PHF14: variants seen among roughly 807,000 people sequenced by gnomAD.
The protein encoded by PHF14 is PHD finger protein 14.
A neutral mutation model predicts 117.9 loss-of-function variants in PHF14; 55 were observed. The observed-to-expected ratio is 0.47, with a 90% CI of 0.38 to 0.58. The LOEUF (loss-of-function observed/expected upper bound fraction) is 0.58, where lower values mean the gene tolerates loss of function less well. Among genes scored for constraint, PHF14 ranks in the 20% least tolerant of loss-of-function variants. PHF14 has a pLI of 0.00. For synonymous variants in PHF14, 409 were observed against 368.6 expected (o/e 1.11, Z -1.26); for missense variants, 978 against 1,122.2 (o/e 0.87, Z 1.84).
At position 11,146,908 on chromosome 7, in the gene PHF14, G is replaced by A. The variant is rs144556358; in HGVS notation, c.2773-22508G>A. Among the ~76,000 whole-genome samples, 18 of 152,238 alleles carry A rather than the reference G, an allele frequency of 1.2e-4. 1 individual carries two copies. In the East Asian group the frequency reaches 3.5e-3, roughly 29 times the overall value. On this transcript the variant is annotated intron_variant, in intron 17 of 17. Transcript: ENST00000634607. ...GATACCCAGGCTGGAGTCCAGTGGT[G>A]CGATCACAGCTCACTGCAGCCTCAA...
intron 13 of PHF14, among the ~76,000 whole-genome samples, chr7:11,044,379 C>G (rs1784599559): frequency 6.6e-6 from 1 of 151,890 alleles, no homozygotes; most frequent in African/African-American, 2.4e-5. Flanking sequence ...TTAGTGAGAG[C>G]ACTTCTAAAA....
intron 1 of PHF14, 141 bp from the exon 2 acceptor site, chr7:10,974,694 C>G: frequency 1.6e-6 from 1 of 617,546 alleles, no homozygotes; most frequent in Non-Finnish European, 2.9e-6. Flanking sequence ...GCACCCCAAC[C>G]TTCTCCTGAC....
chr7:10,990,814 C>A lies in PHF14; in HGVS notation c.1012C>A (p.Gln338Lys). 6.3e-7 allele frequency: 1 copy of A among 1,591,112 alleles called. No individual in the cohort carries two copies. The highest frequency in any genetic ancestry group is 8.6e-7 in the Non-Finnish European group (1 of 1,166,994). Residue 338 changes from glutamine to lysine, a missense_variant, in exon 4 of 18, where the codon CAG becomes AAG. Gln to Lys is a moderately conservative substitution (Grantham distance 53, BLOSUM62 1). Around this residue, in one of 7 missense-constraint regions of PHF14, gnomAD observed 86 missense variants for 137.8 expected, o/e 0.62. Transcript: ENST00000634607. ...TAGTGAGGACGCTGATGAAATAATT[C>A]AGTGTGACAATTGTGGCATTACAGT... ...DNSEDADEII[Q>K]CDNCGITVHE...
intron 16 of PHF14, among the ~76,000 whole-genome samples, chr7:11,087,734 C>T (rs989157948): frequency 3.3e-5 from 5 of 152,072 alleles, no homozygotes; most frequent in African/African-American, 1.2e-4. Flanking sequence ...CATGCTTCAT[C>T]TGTGTGTGTG....
chr7:11,036,966 C>G lies in PHF14; in HGVS notation c.1874-19C>G, dbSNP rs770518271. The stretch of plus-strand genomic sequence containing the variant: ...TTTTACTTCCTACTAAAGTAAAATT[C>G]GATATTTCATTTAAATAGAGAGAAA... On this transcript the variant is annotated intron_variant, in intron 9 of 17. Coordinates refer to ENST00000634607, the MANE Select transcript of PHF14 (RefSeq NM_001007157.2). 3 of 1,442,340 alleles carry G rather than the reference C, an allele frequency of 2.1e-6. 1 individual carries two copies. Among genetic ancestry groups the G allele is most frequent in the South Asian group, 2.6e-5 (2 of 76,390 alleles). 89.3% of individuals were successfully genotyped at this position (1,442,340 alleles called of 1,614,324 possible). A position where few individuals can be genotyped will look rare whatever the true frequency, so the allele number is the denominator to read the frequency against.
intron 17 of PHF14, among the ~76,000 whole-genome samples, chr7:11,124,988 G>A (rs1422607540): frequency 6.6e-6 from 1 of 152,104 alleles, no homozygotes; most frequent in Non-Finnish European, 1.5e-5. Context: ...GCTATGGTAT[G>A]GTGTGGGAAG....
At position 11,169,601 on chromosome 7, in the gene PHF14, A is replaced by C; in HGVS notation, c.*111A>C. 1 of 484,640 alleles carries C rather than the reference A, an allele frequency of 2.1e-6. No individual in the cohort carries two copies. Among genetic ancestry groups the C allele is most frequent in the Non-Finnish European group, 3.6e-6 (1 of 275,306 alleles). The allele number at this position is 484,640 out of a possible 1,614,324, so 30.0% of individuals were successfully genotyped here. A position where few individuals can be genotyped will look rare whatever the true frequency, so the allele number is the denominator to read the frequency against. On this transcript the variant is annotated 3_prime_UTR_variant, in exon 18 of 18. Coordinates refer to ENST00000634607, the MANE Select transcript of PHF14 (RefSeq NM_001007157.2). The stretch of plus-strand genomic sequence containing the variant: ...TCTAATTTGCAAAATGTTCTCAATA[A>C]AGTCATTCAAAATGAAATAGGAGCT...
chr7:11,077,336 GC>G (rs1785901892), intron 16 of PHF14, among the ~76,000 whole-genome samples: 1 of 151,512 alleles, frequency 6.6e-6, no homozygotes, highest in Non-Finnish European at 1.5e-5. Context: ...GCGCAGTGGG[GC>G]TCATGCCTGA....
chr7:11,153,046 A>G (rs1335506104), intron 17 of PHF14, among the ~76,000 whole-genome samples: 1 of 152,218 alleles, frequency 6.6e-6, no homozygotes, highest in Non-Finnish European at 1.5e-5. Flanking sequence ...CCCTAAATAC[A>G]AAGCTACTAG....
chr7:11,097,426 C>A (rs569946036), intron 16 of PHF14, among the ~76,000 whole-genome samples: 1 of 152,162 alleles, frequency 6.6e-6, no homozygotes, highest in South Asian at 2.1e-4. Context: ...ATCAGAGTCT[C>A]CTCAGTTTTC....
chr7:10,976,175 G>C (rs554550595), intron 2 of PHF14, among the ~76,000 whole-genome samples: 1 of 152,268 alleles, frequency 6.6e-6, no homozygotes, highest in East Asian at 1.9e-4. Flanking sequence ...ATCTTAAACA[G>C]AAACTGACTA....
At chr7:11,119,747 G>A (rs1372802689) in intron 17 of PHF14, among the ~76,000 whole-genome samples, 1 of 151,810 alleles carries the variant, frequency 6.6e-6, no homozygotes, top group Non-Finnish European at 1.5e-5. Context: ...GGTTTAAGAA[G>A]TGCTCTTTTG....
intron 16 of PHF14, chr7:11,062,893 A>G: frequency 1.0e-6 from 1 of 983,206 alleles, no homozygotes; most frequent in Non-Finnish European, 1.2e-6. Context: ...TTGTAAGGGA[A>G]TCCATTCTTA....
At chr7:11,118,025 C>T (rs983361929) in intron 17 of PHF14, among the ~76,000 whole-genome samples, 2 of 151,742 alleles carry the variant, frequency 1.3e-5, no homozygotes, top group Non-Finnish European at 2.9e-5. Context: ...AAATTCAGTA[C>T]TCTTCTAGCG....
intron 14 of PHF14, among the ~76,000 whole-genome samples, chr7:11,058,136 T>C (rs908408696): frequency 6.6e-6 from 1 of 152,190 alleles, no homozygotes; most frequent in African/African-American, 2.4e-5. Context: ...AGTTTCAGCC[T>C]CAAAATATAT....
At chr7:11,003,675 A>G (rs771096480) in intron 4 of PHF14, among the ~76,000 whole-genome samples, 2 of 152,194 alleles carry the variant, frequency 1.3e-5, no homozygotes, top group Non-Finnish European at 2.9e-5. Context: ...AAGAACAGCT[A>G]AAATTTACAT....
At position 10,990,894 on chromosome 7, in the gene PHF14, C is replaced by G. The variant is rs1475099086; in HGVS notation, c.1045+47C>G. The stretch of plus-strand genomic sequence containing the variant: ...TCTTTTTAGAAATGGCTGACTGTGG[C>G]TCTTTTACATTTGTACTAAGGTGGT... On this transcript the variant is annotated intron_variant, in intron 4 of 17. Coordinates refer to ENST00000634607, the MANE Select transcript of PHF14 (RefSeq NM_001007157.2). 5 of 1,416,878 alleles carry G rather than the reference C, an allele frequency of 3.5e-6. No homozygotes were observed. In the East Asian group the frequency reaches 1.2e-4, roughly 35 times the overall value. 87.8% of individuals were successfully genotyped at this position (1,416,878 alleles called of 1,614,324 possible). A position where few individuals can be genotyped will look rare whatever the true frequency, so the allele number is the denominator to read the frequency against.
chr7:10,976,569 A>C (rs1781873177), intron 2 of PHF14, among the ~76,000 whole-genome samples: 1 of 152,090 alleles, frequency 6.6e-6, no homozygotes, highest in Non-Finnish European at 1.5e-5. Flanking sequence ...ATTTGTTTCC[A>C]AGGTTTGTTC....
chr7:11,148,283 T>C (rs751805762), intron 17 of PHF14, among the ~76,000 whole-genome samples: 1 of 152,198 alleles, frequency 6.6e-6, no homozygotes, highest in Admixed American at 6.5e-5. Flanking sequence ...GCAAATCAAA[T>C]AACCGTTATG....
Sources: gnomAD v4.1 joint callset for allele counts (sites outside exome capture counted in the v4.1 genomes callset) on GRCh38, gnomAD v4.1.1 for gene constraint, gnomAD v4.1.1 regional missense constraint, MANE v1.5 for transcripts, NCBI Gene and HGNC (gene_info 2026-07-23, HGNC 2026-07-21) for gene names.